Variants in ATP5F1A observed in about 807,000 individuals in gnomAD.
The protein encoded by ATP5F1A is ATP synthase F1 subunit alpha, also known as ATP synthase F(1) complex subunit alpha, mitochondrial.
Under a neutral mutation model 57.4 loss-of-function variants are expected in ATP5F1A, and 24 were observed. That is an observed-to-expected ratio of 0.42 (90% confidence interval 0.30 to 0.59). The LOEUF is 0.59. Ranked by LOEUF, ATP5F1A falls within the 20% of genes least tolerant of loss-of-function variation. ATP5F1A has a pLI of 0.19. For missense variants in ATP5F1A, 494 were observed against 707.9 expected, an observed-to-expected ratio of 0.70 and a Z score of 3.43; for synonymous variants, 251 against 255.5, an observed-to-expected ratio of 0.98 and a Z score of 0.17.
chr18:46,098,362 A>AACG, upstream of ATP5F1A: 1 of 1,281,404 alleles, frequency 7.8e-7, no homozygotes, highest in Non-Finnish European at 1.0e-6. Context: ...CCTCGCGTTC[A>AACG]CCACCTCTCC....
upstream of ATP5F1A, among the ~76,000 whole-genome samples, chr18:46,101,586 A>G (rs562902819): frequency 6.6e-6 from 1 of 151,922 alleles, no homozygotes; most frequent in Admixed American, 6.6e-5. Flanking sequence ...GACTATCTCA[A>G]AACAACAACA....
At position 46,080,460 on chromosome 18, in the gene ATP5F1A, G is replaced by A. The variant is rs1252090192; in HGVS notation, c.*3822C>T. ...TGGTTAAAAACAGCCAGGTGCCTAT[G>A]AGGTCTCCTATGTCATTAGTCTGTA... On this transcript the variant is annotated 3_prime_UTR_variant, in exon 12 of 12. Transcript: ENST00000398752. The A allele has an allele frequency of 6.6e-6, 1 of 152,226 alleles. No individual in the cohort carries two copies. Among genetic ancestry groups the A allele is most frequent in the African/African-American group, 2.4e-5 (1 of 41,456 alleles). 9.4% of individuals were successfully genotyped at this position (152,226 alleles called of 1,614,324 possible). A position where few individuals can be genotyped will look rare whatever the true frequency, so the allele number is the denominator to read the frequency against.
In ATP5F1A at chr18:46,093,887, A is replaced by C. The variant is rs535339459; in HGVS notation, c.139+1166T>G. Among the ~76,000 whole-genome samples the C allele has an allele frequency of 3.3e-5, 5 of 152,056 alleles. No homozygotes were observed. In the South Asian group the frequency reaches 1.0e-3, roughly 32 times the overall value. ...TTTGGGAGGCCAAGGCAGGTGGATC[A>C]CCTGAGGTCAGGAGTTCGAGACCAG... On this transcript the variant is annotated intron_variant, in intron 2 of 11. Coordinates refer to ENST00000398752, the MANE Select transcript of ATP5F1A (RefSeq NM_004046.6).
In ATP5F1A at chr18:46,084,534, C is replaced by G; in HGVS notation, c.1550G>C (p.Ser517Thr). 1 of 1,606,882 alleles carries G rather than the reference C, an allele frequency of 6.2e-7. No individual in the cohort carries two copies. Among genetic ancestry groups the G allele is most frequent in the Non-Finnish European group, 8.5e-7 (1 of 1,178,052 alleles). The change falls in exon 11 of 12, where the codon AGC becomes ACC. Residue 517 changes from serine (S) to threonine (T), a missense_variant. Transcript: ENST00000398752. The stretch of plus-strand genomic sequence containing the variant: ...AGTGCCCAACAAGGCTTGGTGCTGG[C>G]TGACGACATGAGACAAGAAAGCATT... ...FENAFLSHVV[S>T]QHQALLGTIR...
Position 46,089,744 on chromosome 18 carries a change from T to G in ATP5F1A, c.484-12A>C, listed in dbSNP as rs1430938029. On this transcript the variant is annotated splice_polypyrimidine_tract_variant and intron_variant, in intron 4 of 11. Coordinates refer to ENST00000398752, the MANE Select transcript of ATP5F1A (RefSeq NM_004046.6). The stretch of plus-strand genomic sequence containing the variant: ...GAACCAATTGGACCCTGTTAAAAAA[T>G]AAAAAGAAAAACCCTAAGCATAATC... 9.9e-6 allele frequency: 16 copies of G among 1,611,834 alleles called. No individual in the cohort carries two copies. Among genetic ancestry groups the G allele is most frequent in the Non-Finnish European group, 1.3e-5 (15 of 1,179,498 alleles).
At chr18:46,095,593 A>G (rs1910886582) in intron 1 of ATP5F1A, among the ~76,000 whole-genome samples, 1 of 151,982 alleles carries the variant, frequency 6.6e-6, no homozygotes, top group Non-Finnish European at 1.5e-5. Context: ...CTAGAACTAT[A>G]GGCGTGAGCA....
intron 2 of ATP5F1A, chr18:46,093,305 C>T (rs984831304): frequency 4.7e-5 from 7 of 149,450 alleles, no homozygotes; most frequent in African/African-American, 1.2e-4. Flanking sequence ...GGGAGGCGGG[C>T]GGACCACTTG....
Position 46,084,235 on chromosome 18 carries a change from G to C in ATP5F1A, c.*47C>G, listed in dbSNP as rs771440957. On this transcript the variant is annotated 3_prime_UTR_variant, in exon 12 of 12. Coordinates refer to ENST00000398752, the MANE Select transcript of ATP5F1A (RefSeq NM_004046.6). The stretch of plus-strand genomic sequence containing the variant: ...TTTTACAAATGGAACTAATTTACTA[G>C]AACAATGACAAAACTGAACTGGTAT... 2.0e-6 allele frequency: 3 copies of C among 1,516,428 alleles called. No homozygotes were observed. The highest frequency in any genetic ancestry group is 2.3e-5 in the South Asian group (2 of 85,536). 93.9% of individuals were successfully genotyped at this position (1,516,428 alleles called of 1,614,324 possible).
rs1275753893 is a variant in ATP5F1A, at chr18:46,080,510, G to C, written c.*3772C>G. ...AAGTACTTAGTAAAAAGCAGTATTT[G>C]AATCTCATGGTTCATTGCTGTAACA... On this transcript the variant is annotated 3_prime_UTR_variant, in exon 12 of 12. Transcript: ENST00000398752. 6.6e-6 allele frequency: 1 copy of C among 152,220 alleles called. No homozygotes were observed. Among genetic ancestry groups the C allele is most frequent in the Non-Finnish European group, 1.5e-5 (1 of 68,050 alleles). The allele number at this position is 152,220 out of a possible 1,614,324, so 9.4% of individuals were successfully genotyped here. A position where few individuals can be genotyped will look rare whatever the true frequency, so the allele number is the denominator to read the frequency against.
At chr18:46,086,322 A>T (rs750383828) in intron 9 of ATP5F1A, 65 bp from the exon 10 acceptor site, 2 of 812,654 alleles carry the variant, frequency 2.5e-6, no homozygotes, top group Admixed American at 5.0e-5. Flanking sequence ...TATAGTTAAT[A>T]TATTAATACC....
rs1909762901 is a variant in ATP5F1A at position 46,081,693 on chromosome 18, A to AC, written c.*2588_*2589insG. Reference sequence around the variant, plus strand: ...AAAAACAAAAAAAAAAAAAAAAAAAAAAAACGAAATGTGCAGAACCTTCTA... The same window carrying AC: ...AAAAACAAAAAAAAAAAAAAAAAAAACAAAACGAAATGTGCAGAACCTTCTA... On this transcript the variant is annotated 3_prime_UTR_variant, in exon 12 of 12. Coordinates refer to ENST00000398752, the MANE Select transcript of ATP5F1A (RefSeq NM_004046.6). 2 of 146,564 alleles carry AC rather than the reference A, an allele frequency of 1.4e-5. No individual in the cohort carries two copies. The highest frequency in any genetic ancestry group is 2.1e-4 in the South Asian group (1 of 4,760). The allele number at this position is 146,564 out of a possible 1,614,324, so 9.1% of individuals were successfully genotyped here.
Position 46,089,822 on chromosome 18 carries a change from C to T in ATP5F1A, c.483+1G>A. On this transcript the variant is annotated splice_donor_variant, in intron 4 of 11. Transcript: ENST00000398752. LOFTEE classifies it high-confidence loss of function. Reference sequence around the variant, plus strand: ...CTATATCTAACGAACATTAAACCTACCTTTCCATCAATAGCATTACCAAGG... The same window carrying T: ...CTATATCTAACGAACATTAAACCTATCTTTCCATCAATAGCATTACCAAGG... The T allele has an allele frequency of 6.2e-7, 1 of 1,610,044 alleles. No homozygotes were observed. The highest frequency in any genetic ancestry group is 8.5e-7 in the Non-Finnish European group (1 of 1,178,018).
In ATP5F1A at chr18:46,086,996, T is replaced by C. The variant is rs1910150308; in HGVS notation, c.1176+12A>G. The C allele has an allele frequency of 1.2e-6, 2 of 1,612,026 alleles. No homozygotes were observed. The highest frequency in any genetic ancestry group is 1.7e-5 in the Admixed American group (1 of 59,864). The stretch of plus-strand genomic sequence containing the variant: ...TCTTTTTTAACATTTCTTTTAATCA[T>C]TAAAATAATACCTGTCCGTCAGTGA... On this transcript the variant is annotated intron_variant, in intron 8 of 11. Transcript: ENST00000398752.
At position 46,098,254 on chromosome 18, in the gene ATP5F1A, G is replaced by A. The variant is rs766248208; in HGVS notation, c.-23C>T. 6.2e-6 allele frequency: 10 copies of A among 1,600,268 alleles called. No homozygotes were observed. Among genetic ancestry groups the A allele is most frequent in the African/African-American group, 2.7e-5 (2 of 74,790 alleles). On this transcript the variant is annotated 5_prime_UTR_variant, in exon 1 of 12. Coordinates refer to ENST00000398752, the MANE Select transcript of ATP5F1A (RefSeq NM_004046.6). ...CATCTTTGCAGTTACTCCGCAGGCG[G>A]TACTTCTGCAGCCGCAGCCTCCGGA... is the stretch of plus-strand genomic sequence containing the variant.
chr18:46,100,601 C>T (rs1346054031), upstream of ATP5F1A, among the ~76,000 whole-genome samples: 1 of 152,086 alleles, frequency 6.6e-6, no homozygotes, highest in African/African-American at 2.4e-5. Flanking sequence ...CAAAGCAAGA[C>T]CCTATATCAA....
At chr18:46,086,980 A>T (rs774560532) in intron 8 of ATP5F1A, 28 bp downstream of exon 8, 1 of 1,604,610 alleles carries the variant, frequency 6.2e-7, no homozygotes, top group Non-Finnish European at 8.5e-7. Flanking sequence ...ATCTTTTTTA[A>T]CATTTCTTTT....
rs535542709 is a variant in ATP5F1A at position 46,086,228 on chromosome 18, A to G, written c.1314T>C (p.Ala438=). 1 of 1,613,620 alleles carries G rather than the reference A, an allele frequency of 6.2e-7. No homozygotes were observed. Among genetic ancestry groups the G allele is most frequent in the South Asian group, 1.1e-5 (1 of 91,048 alleles). The change falls in exon 10 of 12, where the codon GCT becomes GCC. Residue 438 remains alanine, a synonymous_variant. Transcript: ENST00000398752. ...QVAGTMKLEL[A]QYREVAAFAQ... is the part of the protein sequence containing the mutation. The stretch of plus-strand genomic sequence containing the variant: ...CAAAAGCAGCAACCTCACGATACTG[A>G]GCCAATTCCAGCTTCATGGTACCTG...
chr18:46,100,016 T>A (rs1396464138), upstream of ATP5F1A, among the ~76,000 whole-genome samples: 2 of 151,314 alleles, frequency 1.3e-5, no homozygotes, highest in African/African-American at 4.9e-5. Context: ...TTTGGGAGGC[T>A]GAGGCGGGTG....
At chr18:46,100,010 G>A (rs1281706377), upstream of ATP5F1A, among the ~76,000 whole-genome samples, 1 of 152,052 alleles carries the variant, frequency 6.6e-6, no homozygotes, top group East Asian at 1.9e-4. Context: ...CAGCACTTTG[G>A]GAGGCTGAGG....
Sources: gnomAD v4.1 joint callset for allele counts (sites outside exome capture counted in the v4.1 genomes callset) on GRCh38, gnomAD v4.1.1 for gene constraint, MANE v1.5 for transcripts, NCBI Gene and HGNC (gene_info 2026-07-23, HGNC 2026-07-21) for gene names.